Variants in SIL1 observed in about 807,000 individuals in gnomAD.
The protein encoded by SIL1 is SIL1 nucleotide exchange factor, also known as nucleotide exchange factor SIL1.
In SIL1, 40 loss-of-function variants were observed where a neutral mutation model predicts 49.1. That is an observed-to-expected ratio of 0.81 (90% confidence interval 0.63 to 1.06). The LOEUF (loss-of-function observed/expected upper bound fraction) is 1.06, where lower values mean the gene tolerates loss of function less well. SIL1 is among the 50% of genes least tolerant of loss of function. The probability of loss-of-function intolerance (pLI) is 0.00; values close to 1 mark genes in which losing one functional copy is unlikely to be tolerated. For synonymous variants in SIL1, 253 were observed against 250.8 expected (o/e 1.01, Z -0.08); for missense variants, 500 against 572.6 (o/e 0.87, Z 1.29).
At chr5:139,011,051 C>A (rs1394547818) in intron 7 of SIL1, among the ~76,000 whole-genome samples, 1 of 150,306 alleles carries the variant, frequency 6.7e-6, no homozygotes, top group African/African-American at 2.4e-5. Context: ...GGCGGGCGCC[C>A]CTCCCCCAGC....
At chr5:138,951,553 G>C (rs968071456) in intron 8 of SIL1, among the ~76,000 whole-genome samples, 6 of 152,266 alleles carry the variant, frequency 3.9e-5, no homozygotes, top group African/African-American at 1.4e-4. Flanking sequence ...CAGAGGCCAA[G>C]GGTGGGAGGC....
rs150194200 is a variant in SIL1 at position 138,972,084 on chromosome 5, G to A, written c.768-20200C>T. Among the ~76,000 whole-genome samples, 209 of 152,266 alleles carry A rather than the reference G, an allele frequency of 1.4e-3. 1 individual carries two copies. The highest frequency in any genetic ancestry group is 4.6e-3 in the African/African-American group (193 of 41,560). Reference sequence around the variant, plus strand: ...GAGCTGAGACATAGGAGGCCTCGTTGTTCCAAGGCCAGCTGGGGATAAGGG... The same window carrying A: ...GAGCTGAGACATAGGAGGCCTCGTTATTCCAAGGCCAGCTGGGGATAAGGG... On this transcript the variant is annotated intron_variant, in intron 7 of 9. Transcript: ENST00000394817.
At chr5:139,098,750 A>G (rs1241361808) in intron 3 of SIL1, among the ~76,000 whole-genome samples, 1 of 151,970 alleles carries the variant, frequency 6.6e-6, no homozygotes, top group East Asian at 1.9e-4. Context: ...TATAGGAAAA[A>G]CAAACTTAAT....
intron 7 of SIL1, among the ~76,000 whole-genome samples, chr5:138,998,065 C>A (rs544537281): frequency 2.4e-4 from 36 of 152,306 alleles, no homozygotes; most frequent in South Asian, 2.1e-3. Context: ...ATCATTTTAA[C>A]AATATTAATT....
At chr5:139,159,849 A>C (rs1751474020) in intron 1 of SIL1, among the ~76,000 whole-genome samples, 1 of 152,322 alleles carries the variant, frequency 6.6e-6, no homozygotes. Flanking sequence ...GTTCTTACTC[A>C]GGATTTAAGA....
At chr5:138,951,941 T>C (rs1580976996) in intron 7 of SIL1, 57 bp from the exon 8 acceptor site, 3 of 1,466,124 alleles carry the variant, frequency 2.0e-6, no homozygotes, top group Admixed American at 3.3e-5. Context: ...GATCGGATGG[T>C]CAGGGAACTG....
At chr5:139,132,015 T>A (rs1331602002) in intron 1 of SIL1, among the ~76,000 whole-genome samples, 1 of 151,870 alleles carries the variant, frequency 6.6e-6, no homozygotes, top group Non-Finnish European at 1.5e-5. Flanking sequence ...GCCACAGATA[T>A]CCCTCCCCTT....
intron 7 of SIL1, among the ~76,000 whole-genome samples, chr5:138,991,200 G>C (rs943743127): frequency 6.6e-6 from 1 of 152,268 alleles, no homozygotes; most frequent in South Asian, 2.1e-4. Flanking sequence ...GGAGGCTGGG[G>C]CACCAGGGCC....
intron 3 of SIL1, among the ~76,000 whole-genome samples, chr5:139,105,130 G>A (rs537506455): frequency 1.3e-5 from 2 of 152,122 alleles, no homozygotes; most frequent in Non-Finnish European, 2.9e-5. Context: ...TGAGGATTGA[G>A]TCATGTTATG....
rs151167194 is a variant in SIL1 at position 139,003,822 on chromosome 5, C to T, written c.767+17349G>A. Among the ~76,000 whole-genome samples, 14 of 152,268 alleles carry T rather than the reference C, an allele frequency of 9.2e-5. No individual in the cohort carries two copies. The East Asian group carries it at 2.5e-3, about 27-fold the overall frequency. ...CTCTGTAGTTCCATTCTTCTCTTTGCTTCAATAAATGAATTATACTCTTTC... is the reference window on the plus strand; with the variant it reads ...CTCTGTAGTTCCATTCTTCTCTTTGTTTCAATAAATGAATTATACTCTTTC... On this transcript the variant is annotated intron_variant, in intron 7 of 9. Coordinates refer to ENST00000394817, the MANE Select transcript of SIL1 (RefSeq NM_022464.5).
chr5:139,028,873 T>C (rs566357840), intron 5 of SIL1, among the ~76,000 whole-genome samples: 1 of 152,360 alleles, frequency 6.6e-6, no homozygotes, highest in African/African-American at 2.4e-5. Context: ...GATCACATAA[T>C]CTACTATGTA....
intron 1 of SIL1, among the ~76,000 whole-genome samples, chr5:139,135,709 C>CAAA (rs34039650): frequency 5.2e-5 from 5 of 96,340 alleles, no homozygotes; most frequent in East Asian, 3.8e-4. Flanking sequence ...AACAAACTAG[C>CAAA]AAAAAAAAAA....
chr5:139,172,631 CA>C (rs57237412), intron 1 of SIL1, among the ~76,000 whole-genome samples: 228 of 109,326 alleles, frequency 2.1e-3, no homozygotes, highest in Middle Eastern at 0.013. Context: ...GACTCCGTCT[CA>C]AAAAAAAAAA....
intron 7 of SIL1, among the ~76,000 whole-genome samples, chr5:138,970,570 G>C (rs961354381): frequency 8.5e-5 from 13 of 152,294 alleles, no homozygotes; most frequent in African/African-American, 3.1e-4. Flanking sequence ...GCTGGGTCCA[G>C]AGGCTTAAGT....
intron 1 of SIL1, among the ~76,000 whole-genome samples, chr5:139,181,091 T>C (rs1751974562): frequency 6.6e-6 from 1 of 152,236 alleles, no homozygotes; most frequent in Admixed American, 6.5e-5. Flanking sequence ...ATAATAACAT[T>C]ATTGTGCTTT....
chr5:139,040,993 C>T (rs1300187363), intron 5 of SIL1, among the ~76,000 whole-genome samples: 1 of 152,184 alleles, frequency 6.6e-6, no homozygotes, highest in Non-Finnish European at 1.5e-5. Flanking sequence ...CCTCCATCCA[C>T]AGAGAAGACG....
chr5:139,046,658 G>A (rs1458987114), intron 4 of SIL1, among the ~76,000 whole-genome samples: 2 of 152,022 alleles, frequency 1.3e-5, no homozygotes. Context: ...TCTTACCTCT[G>A]TTCCCTGAAT....
intron 7 of SIL1, among the ~76,000 whole-genome samples, chr5:138,989,924 A>G (rs1036219241): frequency 1.3e-5 from 2 of 152,180 alleles, no homozygotes; most frequent in Admixed American, 6.5e-5. Context: ...GTGGTCTTGA[A>G]CAAATCACTG....
intron 7 of SIL1, among the ~76,000 whole-genome samples, chr5:138,975,789 G>A (rs563008569): frequency 2.6e-5 from 4 of 152,320 alleles, no homozygotes; most frequent in African/African-American, 4.8e-5. Context: ...GAGAGAAACC[G>A]AGGCCTCTCA....
Sources: gnomAD v4.1 joint callset for allele counts (sites outside exome capture counted in the v4.1 genomes callset) on GRCh38, gnomAD v4.1.1 for gene constraint, MANE v1.5 for transcripts, NCBI Gene and HGNC (gene_info 2026-07-23, HGNC 2026-07-21) for gene names.